AMBRA1: variants seen among roughly 807,000 people sequenced by gnomAD.
AMBRA1 encodes the protein activating molecule in BECN1-regulated autophagy protein 1.
Under a neutral mutation model 125.4 loss-of-function variants are expected in AMBRA1, and 47 were observed. The ratio of observed to expected loss-of-function variants is 0.37; its 90% CI spans 0.30 to 0.48. AMBRA1 has a LOEUF of 0.48. Ranked by LOEUF, AMBRA1 falls within the 20% of genes least tolerant of loss-of-function variation. AMBRA1 has a pLI of 0.99. For missense variants in AMBRA1, 1,331 were observed against 1,693.4 expected, an observed-to-expected ratio of 0.79 and a Z score of 3.76; for synonymous variants, 626 against 655.5, an observed-to-expected ratio of 0.95 and a Z score of 0.69.
intron 15 of AMBRA1, among the ~76,000 whole-genome samples, chr11:46,416,831 C>T (rs949272265): frequency 1.3e-5 from 2 of 152,130 alleles, no homozygotes; most frequent in Non-Finnish European, 2.9e-5. Flanking sequence ...TCAACCTGAT[C>T]GGCAGTGAGG....
chr11:46,560,946 G>A (rs947526103), intron 1 of AMBRA1, among the ~76,000 whole-genome samples: 1 of 152,148 alleles, frequency 6.6e-6, no homozygotes, highest in Admixed American at 6.6e-5. Context: ...ACAATATCAG[G>A]AGGCTGGAGT....
At chr11:46,536,288 C>T (rs902848407) in intron 7 of AMBRA1, among the ~76,000 whole-genome samples, 10 of 151,936 alleles carry the variant, frequency 6.6e-5, no homozygotes, top group Non-Finnish European at 1.5e-4. Flanking sequence ...AGCTCACTGA[C>T]GGAAAGGTAA....
intron 7 of AMBRA1, among the ~76,000 whole-genome samples, chr11:46,527,847 C>A (rs1952045675): frequency 6.6e-6 from 1 of 151,766 alleles, no homozygotes; most frequent in Non-Finnish European, 1.5e-5. Flanking sequence ...AACCCTCATG[C>A]ACTGTTGGTA....
At chr11:46,450,867 T>A (rs1948556096) in intron 11 of AMBRA1, among the ~76,000 whole-genome samples, 1 of 152,208 alleles carries the variant, frequency 6.6e-6, no homozygotes, top group African/African-American at 2.4e-5. Context: ...TGTAAACGCA[T>A]ACTTTGAGTG....
At chr11:46,470,692 T>C (rs929957145) in intron 11 of AMBRA1, among the ~76,000 whole-genome samples, 1 of 150,802 alleles carries the variant, frequency 6.6e-6, no homozygotes, top group Non-Finnish European at 1.5e-5. Flanking sequence ...AGCCCAGGAG[T>C]TGGGTGCTTG....
intron 11 of AMBRA1, among the ~76,000 whole-genome samples, chr11:46,454,739 A>C (rs1948776518): frequency 6.6e-6 from 1 of 152,044 alleles, no homozygotes; most frequent in South Asian, 2.1e-4. Flanking sequence ...TGACAGAGCG[A>C]GACTCCATCT....
At position 46,433,579 on chromosome 11, in the gene AMBRA1, C is replaced by A. The variant is rs1327915131; in HGVS notation, c.2871G>T (p.Met957Ile). The change falls in exon 14 of 18, where the codon ATG becomes ATT. Residue 957 changes from methionine (M) to isoleucine (I), a missense_variant. Physicochemically the swap from Met to Ile is conservative, Grantham distance 10. Coordinates refer to ENST00000683756, the MANE Select transcript of AMBRA1 (RefSeq NM_001387011.1). ...GGATCCTTCGTGAGGCCAAGCCCAC[C>A]ATTACATATCTGCCCATTGGGGACA... Reference protein sequence around the residue: ...VSLSPMGRYVMVGLASRRILL... With the variant: ...VSLSPMGRYVIVGLASRRILL... The A allele has an allele frequency of 6.2e-7, 1 of 1,614,134 alleles. No individual in the cohort carries two copies. Among genetic ancestry groups the A allele is most frequent in the Non-Finnish European group, 8.5e-7 (1 of 1,179,994 alleles).
At chr11:46,563,347 C>T (rs1300084751) in intron 1 of AMBRA1, among the ~76,000 whole-genome samples, 6 of 152,144 alleles carry the variant, frequency 3.9e-5, no homozygotes, top group Admixed American at 3.9e-4. Context: ...ATCTCGGCCT[C>T]CCCAGAAGCT....
intron 9 of AMBRA1, among the ~76,000 whole-genome samples, chr11:46,497,431 T>C (rs1354888348): frequency 6.6e-6 from 1 of 152,134 alleles, no homozygotes; most frequent in Non-Finnish European, 1.5e-5. Flanking sequence ...ACATCTTGGC[T>C]AAGAATGGAG....
chr11:46,522,418 G>A (rs1205533250), intron 7 of AMBRA1, among the ~76,000 whole-genome samples: 2 of 152,096 alleles, frequency 1.3e-5, no homozygotes, highest in Non-Finnish European at 2.9e-5. Flanking sequence ...CCATTTCCCT[G>A]GGAGACTTGG....
rs554191038 is a variant in AMBRA1, at chr11:46,405,065, C to T, written c.3403+3448G>A. On this transcript the variant is annotated intron_variant, in intron 17 of 17. Transcript: ENST00000683756. ...CCACATGCACCAGACATGCCATGAACACAAATTAGTGGTCCTTTATGCAGT... is the reference window on the plus strand; with the variant it reads ...CCACATGCACCAGACATGCCATGAATACAAATTAGTGGTCCTTTATGCAGT... Among the ~76,000 whole-genome samples the T allele has an allele frequency of 2.0e-5, 3 of 152,336 alleles. No homozygotes were observed. In the East Asian group the frequency reaches 5.8e-4, roughly 29 times the overall value.
intron 1 of AMBRA1, among the ~76,000 whole-genome samples, chr11:46,586,164 A>G (rs953586987): frequency 1.3e-5 from 2 of 152,178 alleles, no homozygotes; most frequent in Non-Finnish European, 2.9e-5. Context: ...TCCAGCACTT[A>G]GGGAGATCGA....
intron 7 of AMBRA1, among the ~76,000 whole-genome samples, chr11:46,517,969 G>C (rs1951578385): frequency 6.6e-6 from 1 of 152,010 alleles, no homozygotes; most frequent in South Asian, 2.1e-4. Context: ...TAAAGCCAAT[G>C]TGGCAAAATG....
At chr11:46,585,125 G>C (rs538668158) in intron 1 of AMBRA1, among the ~76,000 whole-genome samples, 86 of 152,200 alleles carry the variant, frequency 5.7e-4, no homozygotes, top group African/African-American at 1.9e-3. Context: ...TGCAAGATGT[G>C]CTTTGTTAAA....
At chr11:46,478,532 T>TA (rs1273306427) in intron 11 of AMBRA1, among the ~76,000 whole-genome samples, 2 of 152,126 alleles carry the variant, frequency 1.3e-5, no homozygotes, top group East Asian at 3.8e-4. Flanking sequence ...CCTGATATCC[T>TA]ATGTCTAGGA....
At chr11:46,449,886 C>T (rs1948487959) in intron 11 of AMBRA1, among the ~76,000 whole-genome samples, 1 of 151,958 alleles carries the variant, frequency 6.6e-6, no homozygotes, top group Non-Finnish European at 1.5e-5. Context: ...TAGTGAAATC[C>T]CATCTCTACT....
At chr11:46,562,061 C>A (rs2043357319) in intron 1 of AMBRA1, among the ~76,000 whole-genome samples, 1 of 152,110 alleles carries the variant, frequency 6.6e-6, no homozygotes, top group Non-Finnish European at 1.5e-5. Flanking sequence ...TAAATATTAA[C>A]AATACTTTCA....
chr11:46,421,602 G>C (rs1162341442), intron 14 of AMBRA1, among the ~76,000 whole-genome samples: 1 of 152,158 alleles, frequency 6.6e-6, no homozygotes. Flanking sequence ...TGAACAATGA[G>C]AATCTGGCCC....
chr11:46,442,694 A>T (rs1023703651), intron 12 of AMBRA1, among the ~76,000 whole-genome samples: 4 of 152,228 alleles, frequency 2.6e-5, no homozygotes, highest in African/African-American at 9.6e-5. Flanking sequence ...TCAGATATCA[A>T]CCATACCATT....
Sources: allele counts gnomAD v4.1 joint callset (sites outside exome capture counted in the v4.1 genomes callset), GRCh38; gene constraint gnomAD v4.1.1; transcripts MANE v1.5; gene names NCBI Gene and HGNC (gene_info 2026-07-23, HGNC 2026-07-21).